The following NRXN3 variants were observed in gnomAD, a reference collection of about 807,000 sequenced individuals.
NRXN3 encodes the protein neurexin III.
A neutral mutation model predicts 137.6 loss-of-function variants in NRXN3; 32 were observed. The observed-to-expected ratio is 0.23, with a 90% CI of 0.18 to 0.31. NRXN3 has a LOEUF of 0.31. Ranked by LOEUF, NRXN3 falls within the 10% of genes least tolerant of loss-of-function variation. NRXN3 has a pLI of 1.00. For missense variants in NRXN3, 1,574 were observed against 2,062.5 expected (o/e 0.76, Z 4.59); for synonymous variants, 798 against 784.5 (o/e 1.02, Z -0.29).
chr14:78,191,797 G>T (rs759014504), intron 1 of NRXN3, among the ~76,000 whole-genome samples: 4 of 152,206 alleles, frequency 2.6e-5, no homozygotes, highest in Admixed American at 2.0e-4. Flanking sequence ...GCCTCTTGTG[G>T]CAAGTACCAC....
chr14:79,648,459 T>C (rs2098461410), intron 16 of NRXN3, among the ~76,000 whole-genome samples: 1 of 135,308 alleles, frequency 7.4e-6, no homozygotes, highest in Non-Finnish European at 1.7e-5. Flanking sequence ...CATAGAAAAA[T>C]ACTATGTAGT....
At chr14:79,387,881 C>T (rs994263908) in intron 15 of NRXN3, among the ~76,000 whole-genome samples, 1 of 143,920 alleles carries the variant, frequency 6.9e-6, no homozygotes, top group African/African-American at 2.6e-5. Flanking sequence ...CATGTTCTCA[C>T]TCATAGGTGG....
At chr14:79,099,152 A>G (rs574856397) in intron 15 of NRXN3, among the ~76,000 whole-genome samples, 4 of 152,216 alleles carry the variant, frequency 2.6e-5, no homozygotes, top group Non-Finnish European at 5.9e-5. Context: ...ACCATACAAT[A>G]GTGTTTGTTT....
At chr14:78,827,541 G>T (rs1435025617) in intron 10 of NRXN3, among the ~76,000 whole-genome samples, 3 of 152,228 alleles carry the variant, frequency 2.0e-5, no homozygotes, top group African/African-American at 7.2e-5. Flanking sequence ...GAGAAAATTG[G>T]TTTCAAGTTA....
chr14:78,397,766 GCTA>G (rs2091626277), intron 4 of NRXN3, among the ~76,000 whole-genome samples: 1 of 151,628 alleles, frequency 6.6e-6, no homozygotes, highest in Non-Finnish European at 1.5e-5. Context: ...ACCATGCCAG[GCTA>G]ATTTTTGTAT....
At chr14:79,825,094 T>A (rs535070822) in intron 20 of NRXN3, among the ~76,000 whole-genome samples, 1 of 152,296 alleles carries the variant, frequency 6.6e-6, no homozygotes, top group African/African-American at 2.4e-5. Context: ...CCTTATCCCT[T>A]CCCTTCTAAT....
chr14:79,789,256 C>A (rs2099138198), intron 19 of NRXN3, among the ~76,000 whole-genome samples: 1 of 151,968 alleles, frequency 6.6e-6, no homozygotes, highest in Non-Finnish European at 1.5e-5. Context: ...TAGGATTCAT[C>A]CACATAAGCA....
chr14:78,491,941 A>G (rs1006632656), intron 4 of NRXN3, among the ~76,000 whole-genome samples: 1 of 152,164 alleles, frequency 6.6e-6, no homozygotes, highest in Non-Finnish European at 1.5e-5. Context: ...TGCAGAAAGA[A>G]TGTGACGTTT....
At chr14:79,156,855 G>A (rs991728526) in intron 15 of NRXN3, among the ~76,000 whole-genome samples, 1 of 151,734 alleles carries the variant, frequency 6.6e-6, no homozygotes, top group Admixed American at 6.6e-5. Flanking sequence ...CCTCAGCACT[G>A]CTGACATAGT....
intron 15 of NRXN3, among the ~76,000 whole-genome samples, chr14:79,190,740 T>C (rs776316293): frequency 6.6e-6 from 1 of 152,164 alleles, no homozygotes; most frequent in Admixed American, 6.5e-5. Flanking sequence ...TGGAGATGCA[T>C]GGTAGGGAAA....
chr14:78,657,984 C>G (rs2097798172), intron 6 of NRXN3, among the ~76,000 whole-genome samples: 1 of 152,066 alleles, frequency 6.6e-6, no homozygotes, highest in South Asian at 2.1e-4. Context: ...CTCCCTCTTC[C>G]CCATCTCCGT....
At chr14:79,190,056 G>C (rs1405767469) in intron 15 of NRXN3, among the ~76,000 whole-genome samples, 1 of 152,114 alleles carries the variant, frequency 6.6e-6, no homozygotes, top group African/African-American at 2.4e-5. Context: ...ATCTTCTAAA[G>C]GGAAAGAATG....
chr14:78,590,839 A>G (rs2097109649), intron 4 of NRXN3, among the ~76,000 whole-genome samples: 1 of 152,192 alleles, frequency 6.6e-6, no homozygotes, highest in South Asian at 2.1e-4. Context: ...CAGAGGTTGC[A>G]GTAAGCCAAG....
chr14:79,172,094 A>G (rs2061837910), intron 15 of NRXN3, among the ~76,000 whole-genome samples: 1 of 152,030 alleles, frequency 6.6e-6, no homozygotes, highest in Admixed American at 6.6e-5. Context: ...TCTCACCTTT[A>G]GTCTTTGGGT....
chr14:79,304,194 G>A (rs2085642530), intron 15 of NRXN3, among the ~76,000 whole-genome samples: 1 of 151,966 alleles, frequency 6.6e-6, no homozygotes, highest in South Asian at 2.1e-4. Flanking sequence ...GTGTCTCCTG[G>A]CCCCATTAGG....
At chr14:78,219,705 G>A (rs1001578775) in intron 1 of NRXN3, among the ~76,000 whole-genome samples, 1 of 152,218 alleles carries the variant, frequency 6.6e-6, no homozygotes, top group Admixed American at 6.5e-5. Flanking sequence ...CTGAATCTAA[G>A]GAGCTTGGAC....
chr14:78,503,066 G>A (rs770767552), intron 4 of NRXN3, among the ~76,000 whole-genome samples: 1 of 152,112 alleles, frequency 6.6e-6, no homozygotes, highest in Non-Finnish European at 1.5e-5. Context: ...AAACATCACT[G>A]GCAGAAATAT....
intron 15 of NRXN3, among the ~76,000 whole-genome samples, chr14:79,038,750 C>G (rs542113241): frequency 6.6e-6 from 1 of 152,208 alleles, no homozygotes; most frequent in South Asian, 2.1e-4. Context: ...TATTTACATC[C>G]AAATGAATTC....
At chr14:79,728,484 T>C (rs773636829) in intron 19 of NRXN3, among the ~76,000 whole-genome samples, 30 of 152,122 alleles carry the variant, frequency 2.0e-4, no homozygotes, top group Non-Finnish European at 4.4e-5. Context: ...GCTCACCACT[T>C]CCAGGGCAAC....
Sources: gnomAD v4.1 joint callset for allele counts (sites outside exome capture counted in the v4.1 genomes callset) on GRCh38, gnomAD v4.1.1 for gene constraint, MANE v1.5 for transcripts, NCBI Gene and HGNC (gene_info 2026-07-23, HGNC 2026-07-21) for gene names.